MDFIC: variants seen among roughly 807,000 people sequenced by gnomAD.
MDFIC encodes myoD family inhibitor domain-containing protein.
MDFIC carries 17 observed loss-of-function variants against 23.2 expected under a neutral mutation model. The ratio of observed to expected loss-of-function variants is 0.73; its 90% confidence interval spans 0.50 to 1.10. MDFIC has a LOEUF of 1.10. Among genes scored for constraint, MDFIC ranks in the 50% least tolerant of loss-of-function variants. MDFIC has a pLI of 0.00. For missense variants in MDFIC, 356 were observed against 316.6 expected (o/e 1.12, Z -0.95); for synonymous variants, 120 against 115.2 (o/e 1.04, Z -0.27).
chr7:114,922,953 C>A lies in MDFIC; in HGVS notation c.-81C>A. On this transcript the variant is annotated 5_prime_UTR_variant, in exon 2 of 5. Transcript: ENST00000393486. ...AGCAGTCAGTTCCCTGCACCCAGCACCTCACAGCCCTTCCTCCGTGCGCCC... is the reference window on the plus strand; with the variant it reads ...AGCAGTCAGTTCCCTGCACCCAGCAACTCACAGCCCTTCCTCCGTGCGCCC... 4 of 1,580,694 alleles carry A rather than the reference C, an allele frequency of 2.5e-6. No individual in the cohort carries two copies. The highest frequency in any genetic ancestry group is 3.4e-6 in the Non-Finnish European group (4 of 1,164,398).
At chr7:114,983,377 A>T (rs1306081995) in intron 4 of MDFIC, among the ~76,000 whole-genome samples, 2 of 152,062 alleles carry the variant, frequency 1.3e-5, no homozygotes, top group African/African-American at 4.8e-5. Context: ...TTTGATTAAG[A>T]ACTCTAAGGG....
chr7:114,975,594 A>C (rs1430639501), intron 3 of MDFIC, among the ~76,000 whole-genome samples: 1 of 151,670 alleles, frequency 6.6e-6, no homozygotes, highest in African/African-American at 2.4e-5. Context: ...CACAACTTTG[A>C]CACAATAAGG....
At chr7:114,998,977 A>G (rs1347955638) in intron 4 of MDFIC, among the ~76,000 whole-genome samples, 1 of 152,032 alleles carries the variant, frequency 6.6e-6, no homozygotes, top group Non-Finnish European at 1.5e-5. Context: ...AGTTTTGGTT[A>G]TCTCATTTTG....
intron 4 of MDFIC, among the ~76,000 whole-genome samples, chr7:115,005,189 A>G (rs561736172): frequency 6.6e-6 from 1 of 152,296 alleles, no homozygotes; most frequent in South Asian, 2.1e-4. Context: ...AAATGAAATG[A>G]CCTGTTCAAG....
In MDFIC at chr7:114,979,716, G is replaced by T. The variant is rs748902757; in HGVS notation, c.428G>T (p.Ser143Ile). 1 of 1,614,102 alleles carries T rather than the reference G, an allele frequency of 6.2e-7. No individual in the cohort carries two copies. Among genetic ancestry groups the T allele is most frequent in the South Asian group, 1.1e-5 (1 of 91,086 alleles). ...RKIQSSLSVNSDISKKSKVNA... is the reference protein window; with the variant it reads ...RKIQSSLSVNIDISKKSKVNA... ...ATTCAGTCCAGCTTGTCTGTAAACA[G>T]CGATATCAGTAAGAAGAGCAAAGTA... The change falls in exon 4 of 5, where the codon AGC becomes ATC. Residue 143 changes from serine (S) to isoleucine (I), a missense_variant. Physicochemically the swap from Ser to Ile is moderately radical, Grantham distance 142 (BLOSUM62 -2). Coordinates refer to ENST00000393486, the MANE Select transcript of MDFIC (RefSeq NM_001166345.3).
At chr7:115,014,131 A>G in intron 4 of MDFIC, 1 of 985,368 alleles carries the variant, frequency 1.0e-6, no homozygotes, top group Non-Finnish European at 1.2e-6. Context: ...GGAGTGTATG[A>G]CTTTGTGTTT....
intron 2 of MDFIC, among the ~76,000 whole-genome samples, chr7:114,938,247 T>G (rs747430396): frequency 3.9e-5 from 6 of 152,188 alleles, no homozygotes; most frequent in Non-Finnish European, 5.9e-5. Flanking sequence ...TGAGCCACCA[T>G]GCCCAGCCAG....
intron 4 of MDFIC, among the ~76,000 whole-genome samples, chr7:115,005,874 A>G (rs1791559354): frequency 6.6e-6 from 1 of 152,224 alleles, no homozygotes; most frequent in South Asian, 2.1e-4. Flanking sequence ...AAAGAGTAAC[A>G]ATGTCATCAT....
intron 4 of MDFIC, among the ~76,000 whole-genome samples, chr7:114,982,938 T>C (rs1793443204): frequency 6.6e-6 from 1 of 152,184 alleles, no homozygotes; most frequent in South Asian, 2.1e-4. Flanking sequence ...GCATGAAGCC[T>C]CTTTTGTAAT....
At chr7:114,960,448 A>G (rs1455611129) in intron 3 of MDFIC, among the ~76,000 whole-genome samples, 2 of 152,170 alleles carry the variant, frequency 1.3e-5, no homozygotes, top group African/African-American at 2.4e-5. Flanking sequence ...GAAAGAGTCC[A>G]GTAGGTGTAC....
intron 4 of MDFIC, among the ~76,000 whole-genome samples, chr7:114,993,572 A>G (rs1791239314): frequency 6.6e-6 from 1 of 152,174 alleles, no homozygotes; most frequent in Non-Finnish European, 1.5e-5. Flanking sequence ...ATTGGTTTCA[A>G]AGAACATCTT....
intron 4 of MDFIC, among the ~76,000 whole-genome samples, chr7:115,014,702 T>A (rs1323052881): frequency 2.0e-5 from 3 of 152,188 alleles, no homozygotes; most frequent in Non-Finnish European, 2.9e-5. Context: ...GAGGCAAATG[T>A]TTTATAACAT....
chr7:115,004,665 T>C (rs1471844268), intron 4 of MDFIC, among the ~76,000 whole-genome samples: 13 of 152,234 alleles, frequency 8.5e-5, no homozygotes, highest in Admixed American at 8.5e-4. Context: ...AATGAACATT[T>C]AACCATGAAG....
intron 3 of MDFIC, among the ~76,000 whole-genome samples, chr7:114,949,529 A>C (rs1792718669): frequency 6.6e-6 from 1 of 152,234 alleles, no homozygotes; most frequent in South Asian, 2.1e-4. Flanking sequence ...TTTGCAGATC[A>C]TGTTGTTATA....
rs1021552063 is a variant in MDFIC at position 114,949,767 on chromosome 7, T to C, written c.217+7370T>C. Reference sequence around the variant, plus strand: ...GTGGGGAAGTGCAGGCTGTAGTAGGTTCTCATGGGATAACACAAACCCTAA... The same window carrying C: ...GTGGGGAAGTGCAGGCTGTAGTAGGCTCTCATGGGATAACACAAACCCTAA... On this transcript the variant is annotated intron_variant, in intron 3 of 4. Coordinates refer to ENST00000393486, the MANE Select transcript of MDFIC (RefSeq NM_001166345.3). Among the ~76,000 whole-genome samples, 2 of 120,224 alleles carry C rather than the reference T, an allele frequency of 1.7e-5. 1 individual carries two copies. 78.9% of individuals were successfully genotyped at this position (120,224 alleles called of 152,430 possible).
intron 3 of MDFIC, among the ~76,000 whole-genome samples, chr7:114,958,291 C>A (rs1436374581): frequency 6.6e-6 from 1 of 152,240 alleles, no homozygotes; most frequent in Non-Finnish European, 1.5e-5. Context: ...ACCACATACA[C>A]AGTCCATGTA....
chr7:114,982,993 A>G (rs1455483108), intron 4 of MDFIC, among the ~76,000 whole-genome samples: 1 of 152,156 alleles, frequency 6.6e-6, no homozygotes, highest in East Asian at 1.9e-4. Flanking sequence ...TGGCCAAATC[A>G]CCTCTTGAAG....
At chr7:114,954,904 T>C (rs1236269617) in intron 3 of MDFIC, among the ~76,000 whole-genome samples, 1 of 152,140 alleles carries the variant, frequency 6.6e-6, no homozygotes, top group African/African-American at 2.4e-5. Flanking sequence ...CTCCCTATCC[T>C]ACCACTCCCC....
intron 3 of MDFIC, among the ~76,000 whole-genome samples, chr7:114,953,158 A>G (rs1258604298): frequency 6.6e-6 from 1 of 152,216 alleles, no homozygotes; most frequent in African/African-American, 2.4e-5. Context: ...CCAATTTGTG[A>G]TAGTTGATTT....
Sources: allele counts gnomAD v4.1 joint callset (sites outside exome capture counted in the v4.1 genomes callset), GRCh38; gene constraint gnomAD v4.1.1; transcripts MANE v1.5; gene names NCBI Gene and HGNC (gene_info 2026-07-23, HGNC 2026-07-21).